Variants in IL4R observed in about 807,000 individuals in gnomAD.
IL4R encodes the protein interleukin-4 receptor subunit alpha.
Under a neutral mutation model 41.5 loss-of-function variants are expected in IL4R, and 17 were observed. The ratio of observed to expected loss-of-function variants is 0.41; its 90% confidence interval spans 0.28 to 0.61. The LOEUF is 0.61. IL4R is among the 20% of genes least tolerant of loss of function. IL4R has a pLI of 0.31. For synonymous variants in IL4R, 402 were observed against 422.9 expected, an observed-to-expected ratio of 0.95 and a Z score of 0.61; for missense variants, 974 against 1,043.1, an observed-to-expected ratio of 0.93 and a Z score of 0.91.
In IL4R at chr16:27,345,008, C is replaced by G. The variant is rs1444439829; in HGVS notation, c.349C>G (p.Pro117Ala). 5.6e-6 allele frequency: 9 copies of G among 1,613,410 alleles called. No individual in the cohort carries two copies. The highest frequency in any genetic ancestry group is 7.6e-6 in the Non-Finnish European group (9 of 1,179,970). Reference protein sequence around the residue: ...QQLLWKGSFKPSEHVKPRAPG... With the variant: ...QQLLWKGSFKASEHVKPRAPG... ...GCTGCTGTGGAAGGGCTCCTTCAAG[C>G]CCAGCGAGCATGGTGAGCAGGGCGG... The change falls in exon 5 of 11, where the codon CCC (proline) becomes GCC (alanine). Residue 117 changes from proline (P) to alanine (A), a missense_variant. Coordinates refer to ENST00000395762, the MANE Select transcript of IL4R (RefSeq NM_000418.4). The surrounding 1 kb of genome is among the most constrained non-coding windows in gnomAD (Gnocchi z 4.5).
chr16:27,338,519 T>A (rs2085332348), intron 2 of IL4R, among the ~76,000 whole-genome samples: 2 of 116,364 alleles, frequency 1.7e-5, no homozygotes, highest in African/African-American at 7.5e-5. Flanking sequence ...ACACCTGGCT[T>A]CTGAACATTT....
chr16:27,342,441 G>A (rs562525263), intron 4 of IL4R, among the ~76,000 whole-genome samples, 182 bp downstream of exon 4: 13 of 152,228 alleles, frequency 8.5e-5, no homozygotes, highest in African/African-American at 1.4e-4. Context: ...ACAGTGGAGC[G>A]CATGGTGGGA....
At chr16:27,346,686 C>T (rs2085658060) in intron 6 of IL4R, 68 bp downstream of exon 6, 2 of 1,550,408 alleles carry the variant, frequency 1.3e-6, no homozygotes, top group Non-Finnish European at 1.8e-6. Flanking sequence ...AGCAGAGGCC[C>T]AGTCCCTGGA....
intron 3 of IL4R, chr16:27,341,050 T>C (rs2085425304): frequency 3.1e-6 from 2 of 649,294 alleles, no homozygotes; most frequent in Non-Finnish European, 5.7e-6. Flanking sequence ...AGGATCCATA[T>C]CATCCATTAT....
chr16:27,354,985 A>AT, intron 7 of IL4R: 1 of 465,320 alleles, frequency 2.1e-6, no homozygotes, highest in South Asian at 1.6e-5. Context: ...TATGAAACAG[A>AT]TAACAATGTA....
Position 27,352,703 on chromosome 16 carries a change from A to G in IL4R, c.670+7A>G. On this transcript the variant is annotated splice_region_variant and intron_variant, in intron 7 of 10. Coordinates refer to ENST00000395762, the MANE Select transcript of IL4R (RefSeq NM_000418.4). ...AGCACCAAGTGGCACAACTGTGAGT[A>G]TCAAGAGGCCTAAGCAATGGTAATC... The G allele has an allele frequency of 1.2e-6, 2 of 1,613,862 alleles. No individual in the cohort carries two copies. The highest frequency in any genetic ancestry group is 1.7e-6 in the Non-Finnish European group (2 of 1,179,794).
chr16:27,340,792 G>T (rs137897572), intron 3 of IL4R, among the ~76,000 whole-genome samples: 7 of 152,286 alleles, frequency 4.6e-5, no homozygotes, highest in South Asian at 2.1e-4. Flanking sequence ...TGGGTGGAGT[G>T]GGGGGGATTG....
At chr16:27,315,904 T>G (rs1387155702) in intron 1 of IL4R, among the ~76,000 whole-genome samples, 1 of 152,140 alleles carries the variant, frequency 6.6e-6, no homozygotes, top group Non-Finnish European at 1.5e-5. Flanking sequence ...TTACAACACA[T>G]GCAGTTACCG....
At chr16:27,337,175 T>A (rs959898721) in intron 2 of IL4R, among the ~76,000 whole-genome samples, 1 of 151,854 alleles carries the variant, frequency 6.6e-6, no homozygotes, top group African/African-American at 2.4e-5. Context: ...TGGGCCCAGG[T>A]GGAGAGGGAG....
chr16:27,337,959 CT>C (rs34463317), intron 2 of IL4R, among the ~76,000 whole-genome samples: 19,988 of 137,352 alleles, frequency 0.15, 1,184 homozygotes, highest in African/African-American at 0.21. Context: ...TTTTCTTTTC[CT>C]TTTTTTTTTT....
chr16:27,330,532 A>C (rs949210235), intron 2 of IL4R, among the ~76,000 whole-genome samples: 3 of 152,184 alleles, frequency 2.0e-5, no homozygotes, highest in Admixed American at 2.0e-4. Flanking sequence ...TACTGACCTT[A>C]TTGGGATTTC....
At chr16:27,346,024 G>T (rs1353174715) in intron 5 of IL4R, among the ~76,000 whole-genome samples, 1 of 151,676 alleles carries the variant, frequency 6.6e-6, no homozygotes, top group Admixed American at 6.6e-5. Flanking sequence ...GCTGAAGTTT[G>T]GGTTACTTTG....
Position 27,314,972 on chromosome 16 carries a change from AT to A in IL4R, c.-152+962del, listed in dbSNP as rs201272764. Reference sequence around the variant, plus strand: ...GACAGGTGTGAGCCACTGAGCCCTGATTTTTTTTTTAAACAAAATCTGGATT... The same window carrying A: ...GACAGGTGTGAGCCACTGAGCCCTGATTTTTTTTTAAACAAAATCTGGATT... On this transcript the variant is annotated intron_variant, in intron 1 of 10. Transcript: ENST00000395762. 3.9e-4 allele frequency among the ~76,000 whole-genome samples: 59 copies of A among 150,770 alleles called. 1 individual carries two copies. The highest frequency in any genetic ancestry group is 1.3e-3 in the African/African-American group (53 of 41,128).
intron 1 of IL4R, among the ~76,000 whole-genome samples, chr16:27,328,020 G>A (rs1185503290): frequency 6.6e-6 from 1 of 151,776 alleles, no homozygotes; most frequent in African/African-American, 2.4e-5. Flanking sequence ...GACCATCCTG[G>A]CCAACATGGT....
intron 7 of IL4R, among the ~76,000 whole-genome samples, chr16:27,354,608 T>TCAA (rs2085994675): frequency 6.6e-6 from 1 of 152,098 alleles, no homozygotes; most frequent in Non-Finnish European, 1.5e-5. Flanking sequence ...AGCCTTAGGG[T>TCAA]GGGCATGGCT....
chr16:27,330,752 T>C (rs2085091667), intron 2 of IL4R, among the ~76,000 whole-genome samples: 1 of 152,104 alleles, frequency 6.6e-6, no homozygotes. Flanking sequence ...GTGTTTTCCA[T>C]TTCCATGGTT....
chr16:27,339,345 G>A (rs2085363860), intron 2 of IL4R, among the ~76,000 whole-genome samples: 1 of 152,028 alleles, frequency 6.6e-6, no homozygotes. Flanking sequence ...CTGCTCTAAG[G>A]TATTTTTGTT....
At position 27,335,054 on chromosome 16, in the gene IL4R, G is replaced by A. The variant is rs572899714; in HGVS notation, c.-19+4856G>A. Among the ~76,000 whole-genome samples, 12 of 152,144 alleles carry A rather than the reference G, an allele frequency of 7.9e-5. No homozygotes were observed. In the East Asian group the frequency reaches 1.9e-3, roughly 24 times the overall value. On this transcript the variant is annotated intron_variant, in intron 2 of 10. Transcript: ENST00000395762. ...CCCCTGGCACTTCGTGAGGAGCAGCGGCCAGTTCTTGTATATAGACTGGCC... is the reference window on the plus strand; with the variant it reads ...CCCCTGGCACTTCGTGAGGAGCAGCAGCCAGTTCTTGTATATAGACTGGCC...
intron 1 of IL4R, among the ~76,000 whole-genome samples, chr16:27,326,647 G>T (rs528524519): frequency 0.015 from 2,272 of 152,264 alleles, 56 homozygotes; most frequent in African/African-American, 0.051. Context: ...GCCACAGAAT[G>T]AGACCCTGTC....
Sources: allele counts gnomAD v4.1 joint callset (sites outside exome capture counted in the v4.1 genomes callset), GRCh38; gene constraint gnomAD v4.1.1; non-coding constraint Gnocchi (gnomAD v3.1); transcripts MANE v1.5; gene names NCBI Gene and HGNC (gene_info 2026-07-23, HGNC 2026-07-21).